ABCB9: variants seen among roughly 807,000 people sequenced by gnomAD.
ABCB9 encodes ABC-type oligopeptide transporter ABCB9.
In ABCB9, 36 loss-of-function variants were observed where a neutral mutation model predicts 62.0. The observed-to-expected ratio is 0.58, with a 90% CI of 0.45 to 0.77. The LOEUF is 0.77. Among genes scored for constraint, ABCB9 ranks in the 30% least tolerant of loss-of-function variants. The pLI is 0.00. For missense variants in ABCB9, 943 were observed against 1,054.7 expected (o/e 0.89, Z 1.47); for synonymous variants, 435 against 461.4 (o/e 0.94, Z 0.73).
At chr12:122,966,157 T>G (rs1442946072) in intron 1 of ABCB9, 130 bp downstream of exon 1, 4 of 151,068 alleles carry the variant, frequency 2.6e-5, no homozygotes, top group African/African-American at 9.8e-5. Context: ...CCAGGGAGGC[T>G]CCCACCTTCA....
chr12:122,936,858 C>T (rs2035482298), intron 9 of ABCB9, among the ~76,000 whole-genome samples: 2 of 150,218 alleles, frequency 1.3e-5, no homozygotes, highest in African/African-American at 4.9e-5. Flanking sequence ...GAGCTGAGAT[C>T]GTGCCATTGT....
At chr12:122,935,580 TTCTTCCCCAACA>T (rs2035420236) in intron 9 of ABCB9, 149 bp from the exon 10 acceptor site, 2 of 931,234 alleles carry the variant, frequency 2.1e-6, no homozygotes, top group Non-Finnish European at 1.5e-6. Flanking sequence ...GCTGCCTCTC[TTCTTCCCCAACA>T]GTGACTCCCG....
chr12:122,952,141 T>C (rs1296216633), intron 2 of ABCB9: 1 of 153,050 alleles, frequency 6.5e-6, no homozygotes, highest in African/African-American at 2.4e-5. Flanking sequence ...GGCACCTTGA[T>C]CTGGGACTTC....
Position 122,940,806 on chromosome 12 carries a change from C to A in ABCB9, c.1569+1G>T. ...TGGCAGGCCTCAAGCCGCGCCCTCA[C>A]CTGCAGGACCTGGGTGTGGGGCCGA... On this transcript the variant is annotated splice_donor_variant, in intron 8 of 11. Transcript: ENST00000280560. LOFTEE classifies it high-confidence loss of function. The surrounding 1 kb of genome is among the most constrained non-coding windows in gnomAD (Gnocchi z 4.8). 6.3e-7 allele frequency: 1 copy of A among 1,579,774 alleles called. No homozygotes were observed. The highest frequency in any genetic ancestry group is 8.7e-7 in the Non-Finnish European group (1 of 1,155,964).
chr12:122,943,792 T>C (rs963100082), intron 7 of ABCB9, among the ~76,000 whole-genome samples: 4 of 151,782 alleles, frequency 2.6e-5, no homozygotes, highest in Non-Finnish European at 5.9e-5. Context: ...TTCTTTCTTT[T>C]TGAGACACGG....
At chr12:122,943,636 CT>C (rs541814447) in intron 7 of ABCB9, among the ~76,000 whole-genome samples, 9 of 149,418 alleles carry the variant, frequency 6.0e-5, no homozygotes, top group East Asian at 1.9e-4. Context: ...TTCTTTCTTT[CT>C]TTTTTTTTTG....
chr12:122,929,923 A>T lies in ABCB9; in HGVS notation c.2289T>A (p.Ser763Arg). The T allele has an allele frequency of 6.4e-7, 1 of 1,552,298 alleles. No homozygotes were observed. Among genetic ancestry groups the T allele is most frequent in the Non-Finnish European group, 8.7e-7 (1 of 1,146,594 alleles). The change falls in exon 12 of 12, where the codon AGT (serine) becomes AGA (arginine). Residue 763 changes from serine to arginine, a missense_variant. Coordinates refer to ENST00000280560, the MANE Select transcript of ABCB9 (RefSeq NM_019625.4). This position sits in a 1 kb window ranked among gnomAD's most constrained non-coding sequence, Gnocchi z 6.0. ...AGHNEPVANG[S>R]HKA The stretch of plus-strand genomic sequence containing the variant: ...CAGGGGCCCCCCATCAGGCCTTGTG[A>T]CTGCCGTTGGCTACAGGCTCGTTGT...
At chr12:122,921,311 A>G (rs1304633810) in intron 11 of ABCB9, among the ~76,000 whole-genome samples, 1 of 152,138 alleles carries the variant, frequency 6.6e-6, no homozygotes, top group Admixed American at 6.6e-5. Flanking sequence ...GCTATTTAGG[A>G]GCCTGAGGCA....
In ABCB9 at chr12:122,946,111, C is replaced by G. The variant is rs759071545; in HGVS notation, c.1165G>C (p.Glu389Gln). 1.2e-6 allele frequency: 2 copies of G among 1,614,106 alleles called. No homozygotes were observed. Among genetic ancestry groups the G allele is most frequent in the South Asian group, 2.2e-5 (2 of 91,068 alleles). Residue 389 changes from glutamate to glutamine, a missense_variant, in exon 6 of 12, where the codon GAG becomes CAG. Transcript: ENST00000280560. Reference protein sequence around the residue: ...RSFANEEEEAEVYLRKLQQVY... With the variant: ...RSFANEEEEAQVYLRKLQQVY... ...TGCTGCAGCTTCCGCAGGTACACCT[C>G]TGCCTCCTCCTCCTCATTGGCGAAG... is the stretch of plus-strand genomic sequence containing the variant.
chr12:122,940,739 A>C lies in ABCB9; in HGVS notation c.1569+68T>G. On this transcript the variant is annotated intron_variant, in intron 8 of 11. Transcript: ENST00000280560. This position sits in a 1 kb window ranked among gnomAD's most constrained non-coding sequence, Gnocchi z 4.8. ...CAGCTGCCCTGCCACAGCCTGGTGT[A>C]TAGGAGGTGCACCAGAAATGGGGTG... 6.8e-7 allele frequency: 1 copy of C among 1,473,720 alleles called. No individual in the cohort carries two copies. The highest frequency in any genetic ancestry group is 9.1e-7 in the Non-Finnish European group (1 of 1,098,934). 91.3% of individuals were successfully genotyped at this position (1,473,720 alleles called of 1,614,324 possible).
intron 5 of ABCB9, among the ~76,000 whole-genome samples, chr12:122,946,688 A>G (rs1322470190): frequency 6.6e-6 from 1 of 152,208 alleles, no homozygotes; most frequent in African/African-American, 2.4e-5. Flanking sequence ...TTAGAGCCTG[A>G]GGGTTGATAA....
Position 122,950,411 on chromosome 12 carries a change from C to T in ABCB9, c.716+40G>A, listed in dbSNP as rs1476639821. 9 of 1,554,530 alleles carry T rather than the reference C, an allele frequency of 5.8e-6. No individual in the cohort carries two copies. In the East Asian group the frequency reaches 6.8e-5, roughly 12 times the overall value. ...CCTCCCTTCCCTCCCTGGTGCAGGT[C>T]GGGGTGTGCGGGGCAGGGCGTGGGG... On this transcript the variant is annotated intron_variant, in intron 3 of 11. Coordinates refer to ENST00000280560, the MANE Select transcript of ABCB9 (RefSeq NM_019625.4).
At chr12:122,973,830 C>CAG (rs2037330074) in intron 1 of ABCB9, among the ~76,000 whole-genome samples, 1 of 152,078 alleles carries the variant, frequency 6.6e-6, no homozygotes, top group African/African-American at 2.4e-5. Flanking sequence ...CACTGCACTC[C>CAG]AGCCTGGGCG....
rs2036774011 is a variant in ABCB9, at chr12:122,959,441, G to A, written c.601+194C>T. The stretch of plus-strand genomic sequence containing the variant: ...GCCCAGGCTGGTTTTCAACTCCTGG[G>A]CTCAAGTGATCTTCCTACCTCAGCC... On this transcript the variant is annotated intron_variant, in intron 2 of 11. Transcript: ENST00000280560. The surrounding 1 kb of genome is among the most constrained non-coding windows in gnomAD (Gnocchi z 5.4). 6.6e-6 allele frequency among the ~76,000 whole-genome samples: 1 copy of A among 152,060 alleles called. No homozygotes were observed. Among genetic ancestry groups the A allele is most frequent in the South Asian group, 2.1e-4 (1 of 4,826 alleles).
intron 5 of ABCB9, 145 bp from the exon 6 acceptor site, chr12:122,946,367 G>T: frequency 1.3e-6 from 1 of 771,310 alleles, no homozygotes; most frequent in Admixed American, 2.5e-5. Context: ...ACAAGATCTA[G>T]CCCTTTCTCC....
chr12:122,949,959 A>G, intron 3 of ABCB9, 41 bp from the exon 4 acceptor site: 2 of 1,612,254 alleles, frequency 1.2e-6, no homozygotes, highest in Non-Finnish European at 1.7e-6. Flanking sequence ...ATGTCCTTCC[A>G]GACCAGTGAC....
In ABCB9 at chr12:122,929,241, C is replaced by T; in HGVS notation, c.*670G>A. 1.0e-6 allele frequency: 1 copy of T among 986,000 alleles called. No homozygotes were observed. The highest frequency in any genetic ancestry group is 1.2e-6 in the Non-Finnish European group (1 of 830,054). The allele number at this position is 986,000 out of a possible 1,614,324, so 61.1% of individuals were successfully genotyped here. ...GCCGGGCTGGGGGCACCCCTGAGGC[C>T]CCTCCAGACCTGGCCAGCCCCTCAC... On this transcript the variant is annotated 3_prime_UTR_variant, in exon 12 of 12. Coordinates refer to ENST00000280560, the MANE Select transcript of ABCB9 (RefSeq NM_019625.4). The surrounding 1 kb of genome is among the most constrained non-coding windows in gnomAD (Gnocchi z 6.0).
chr12:122,931,027 T>C (rs1370044019), intron 11 of ABCB9, among the ~76,000 whole-genome samples: 2 of 152,092 alleles, frequency 1.3e-5, no homozygotes, highest in African/African-American at 4.8e-5. Flanking sequence ...TGTTTTTGTT[T>C]GTTTGTTTGT....
intron 5 of ABCB9, chr12:122,948,294 T>C (rs994234031): frequency 2.8e-5 from 5 of 180,980 alleles, no homozygotes; most frequent in African/African-American, 9.4e-5. Context: ...CTCTGCTCAC[T>C]TCATGTTTCT....
Sources: gnomAD v4.1 joint callset for allele counts (sites outside exome capture counted in the v4.1 genomes callset) on GRCh38, gnomAD v4.1.1 for gene constraint, Gnocchi (gnomAD v3.1) non-coding constraint, MANE v1.5 for transcripts, NCBI Gene and HGNC (gene_info 2026-07-23, HGNC 2026-07-21) for gene names.